The following PCDHA10 variants were observed in gnomAD, a reference collection of about 807,000 sequenced individuals.
PCDHA10 encodes the protein protocadherin alpha-10.
PCDHA10 carries 45 observed loss-of-function variants against 61.2 expected under a neutral mutation model. That is an observed-to-expected ratio of 0.74 (90% CI 0.58 to 0.94). The LOEUF is 0.94. PCDHA10 is among the 40% of genes least tolerant of loss of function. The pLI is 0.00. For synonymous variants in PCDHA10, 602 were observed against 548.8 expected (o/e 1.10, Z -1.35); for missense variants, 1,278 against 1,236.2 (o/e 1.03, Z -0.51).
intron 3 of PCDHA10, among the ~76,000 whole-genome samples, chr5:141,005,407 T>C (rs2098211600): frequency 1.3e-5 from 2 of 151,168 alleles, no homozygotes; most frequent in Admixed American, 1.3e-4. Context: ...ACTTGAAGAG[T>C]GAGGAGTCAT....
chr5:140,926,199 G>C (rs541337659), intron 1 of PCDHA10, among the ~76,000 whole-genome samples: 1 of 151,790 alleles, frequency 6.6e-6, no homozygotes, highest in African/African-American at 2.4e-5. Context: ...CACTTCTTTC[G>C]GGGGGCTCCT....
At chr5:140,890,627 G>A (rs1562851697) in intron 1 of PCDHA10, among the ~76,000 whole-genome samples, 1 of 152,056 alleles carries the variant, frequency 6.6e-6, no homozygotes, top group Non-Finnish European at 1.5e-5. Flanking sequence ...AGAAAATTAA[G>A]CATGTATCCT....
At chr5:140,980,849 C>A (rs2096908252) in intron 2 of PCDHA10, among the ~76,000 whole-genome samples, 1 of 152,068 alleles carries the variant, frequency 6.6e-6, no homozygotes, top group Admixed American at 6.6e-5. Context: ...TAATACTAAT[C>A]TTTTTCGTAT....
At chr5:140,875,182 A>T in intron 1 of PCDHA10, 1 of 450,902 alleles carries the variant, frequency 2.2e-6, no homozygotes. Context: ...CATTAGAATT[A>T]AGAGTGACCC....
chr5:140,867,581 T>C (rs1322597888), intron 1 of PCDHA10: 1 of 152,170 alleles, frequency 6.6e-6, no homozygotes, highest in Non-Finnish European at 1.5e-5. Context: ...GCCCTTGCAG[T>C]ATTTTTAGAT....
At chr5:140,902,668 G>C (rs1385644848) in intron 1 of PCDHA10, among the ~76,000 whole-genome samples, 3 of 152,126 alleles carry the variant, frequency 2.0e-5, no homozygotes, top group African/African-American at 7.2e-5. Context: ...CACCCAAGCA[G>C]TGTACACCGT....
At position 140,870,536 on chromosome 5, in the gene PCDHA10, C is replaced by T. The variant is rs782205013; in HGVS notation, c.2388+12100C>T. On this transcript the variant is annotated intron_variant, in intron 1 of 3. Transcript: ENST00000307360. ...GGCTGCCACATCTTCACAGTGTCGGCGCGGGACGCGGACGCGCAGGAGAAC... is the reference window on the plus strand; with the variant it reads ...GGCTGCCACATCTTCACAGTGTCGGTGCGGGACGCGGACGCGCAGGAGAAC... 1.1e-5 allele frequency: 18 copies of T among 1,614,036 alleles called. No individual in the cohort carries two copies. The Admixed American group carries it at 3.0e-4, about 27-fold the overall frequency.
intron 1 of PCDHA10, chr5:140,968,473 G>T (rs1389339011): frequency 6.2e-7 from 1 of 1,613,980 alleles, no homozygotes; most frequent in African/African-American, 1.3e-5. Context: ...ACGTATATGT[G>T]GTGGACATGA....
At chr5:140,968,969 A>C in intron 1 of PCDHA10, 2 of 1,614,230 alleles carry the variant, frequency 1.2e-6, no homozygotes. Flanking sequence ...CTACCGCTAC[A>C]CTGCGTATGG....
chr5:140,909,442 A>T (rs1345461412), intron 1 of PCDHA10, among the ~76,000 whole-genome samples: 11 of 152,234 alleles, frequency 7.2e-5, no homozygotes, highest in African/African-American at 2.7e-4. Context: ...ATCCACTGTC[A>T]TTCTCCAAGA....
chr5:140,960,253 G>A (rs1554224599), intron 1 of PCDHA10, among the ~76,000 whole-genome samples: 1 of 152,178 alleles, frequency 6.6e-6, no homozygotes, highest in African/African-American at 2.4e-5. Context: ...GCTTCCTGGA[G>A]CTTCTGATAA....
intron 1 of PCDHA10, chr5:140,966,708 C>T (rs1033433543): frequency 1.7e-5 from 23 of 1,384,632 alleles, no homozygotes; most frequent in African/African-American, 6.1e-5. Context: ...GCGTGGGGCA[C>T]GGCTGGGGAA....
intron 1 of PCDHA10, chr5:140,968,964 G>A (rs782792392): frequency 7.4e-6 from 12 of 1,614,136 alleles, no homozygotes; most frequent in East Asian, 4.5e-5. Context: ...AAGTGCTACC[G>A]CTACACTGCG....
chr5:140,875,675 C>G, intron 1 of PCDHA10: 8 of 1,613,858 alleles, frequency 5.0e-6, no homozygotes, highest in Non-Finnish European at 6.8e-6. Context: ...CGGGTGGCGT[C>G]CAAAAGACAC....
At chr5:140,967,473 C>G in intron 1 of PCDHA10, 1 of 1,613,362 alleles carries the variant, frequency 6.2e-7, no homozygotes, top group Admixed American at 1.7e-5. Context: ...GGCATCCCAG[C>G]CCGCTCGGGT....
rs193096250 is a variant in PCDHA10 at position 140,998,611 on chromosome 5, C to A, written c.2537-11016C>A. Among the ~76,000 whole-genome samples, 28 of 151,482 alleles carry A rather than the reference C, an allele frequency of 1.8e-4. No individual in the cohort carries two copies. The East Asian group carries it at 5.2e-3, about 28-fold the overall frequency. ...CAGAGTTTTGCTCTTGTTGCCCAGG[C>A]TGGAGTGCAATGGCACAATCTCAGC... On this transcript the variant is annotated intron_variant, in intron 3 of 3. Transcript: ENST00000307360.
At position 140,951,558 on chromosome 5, in the gene PCDHA10, C is replaced by T. The variant is rs79908970; in HGVS notation, c.2389-27391C>T. On this transcript the variant is annotated intron_variant, in intron 1 of 3. Coordinates refer to ENST00000307360, the MANE Select transcript of PCDHA10 (RefSeq NM_018901.4). The stretch of plus-strand genomic sequence containing the variant: ...GAGCAAGGGACGGGGGGAAGTGCTA[C>T]GCACTTTTAAACAACCAGATTTCAC... Among the ~76,000 whole-genome samples the T allele has an allele frequency of 3.7e-4, 56 of 152,112 alleles. No individual in the cohort carries two copies. In the East Asian group the frequency reaches 9.5e-3, roughly 26 times the overall value.
chr5:140,857,241 C>T lies in PCDHA10; in HGVS notation c.1193C>T (p.Ser398Phe). The T allele has an allele frequency of 6.3e-7, 1 of 1,598,588 alleles. No individual in the cohort carries two copies. Among genetic ancestry groups the T allele is most frequent in the East Asian group, 2.2e-5 (1 of 44,842 alleles). The part of the protein sequence containing the change: ...LTPHVPFKLV[S>F]TYKNYYSLVL... The stretch of plus-strand genomic sequence containing the variant: ...CCTCACGTTCCGTTCAAGCTGGTGT[C>T]CACCTACAAGAATTACTACTCATTG... Residue 398 changes from serine (S) to phenylalanine (F), a missense_variant, in exon 1 of 4, where the codon TCC (serine) becomes TTC (phenylalanine). Transcript: ENST00000307360.
intron 1 of PCDHA10, among the ~76,000 whole-genome samples, chr5:140,908,097 G>A (rs184366035): frequency 2.6e-5 from 4 of 152,212 alleles, no homozygotes; most frequent in African/African-American, 9.6e-5. Flanking sequence ...ACTGATTGAA[G>A]TTCTGTCCAC....
Sources: allele counts gnomAD v4.1 joint callset (sites outside exome capture counted in the v4.1 genomes callset), GRCh38; gene constraint gnomAD v4.1.1; transcripts MANE v1.5; gene names NCBI Gene and HGNC (gene_info 2026-07-23, HGNC 2026-07-21).